Variants in SV2C observed in about 807,000 individuals in gnomAD.
SV2C encodes solute carrier family 22 member B3.
Under a neutral mutation model 79.7 loss-of-function variants are expected in SV2C, and 49 were observed. The observed-to-expected ratio is 0.61, with a 90% CI of 0.49 to 0.78. SV2C has a LOEUF of 0.78. Among genes scored for constraint, SV2C ranks in the 30% least tolerant of loss-of-function variants. The pLI is 0.00. For missense variants in SV2C, 833 were observed against 912.9 expected (o/e 0.91, Z 1.13); for synonymous variants, 334 against 333.2 (o/e 1.00, Z -0.03).
the SV2C span, chr5:75,920,776 G>A: frequency 1.3e-6 from 1 of 779,800 alleles, no homozygotes; most frequent in South Asian, 1.4e-5. Context: ...GTCCCGTTGG[G>A]GTGCTTGATG....
intron 1 of SV2C, among the ~76,000 whole-genome samples, chr5:76,123,464 T>A: frequency 6.6e-6 from 1 of 152,152 alleles, no homozygotes; most frequent in Non-Finnish European, 1.5e-5. Context: ...TGAACATTGA[T>A]GCAAAAATCC....
chr5:76,195,098 G>A lies in SV2C; in HGVS notation c.760G>A (p.Gly254Arg), dbSNP rs1468777352. 1.9e-6 allele frequency: 3 copies of A among 1,612,708 alleles called. No homozygotes were observed. Among genetic ancestry groups the A allele is most frequent in the Admixed American group, 1.7e-5 (1 of 59,758 alleles). ...FLFCRLLSGF[G>R]IGGAIPTVFS... Reference sequence around the variant, plus strand: ...CTTCTGTCGCTTACTTTCTGGATTCGGGTAAGGTTTTCTCCTTCATATTTT... The same window carrying A: ...CTTCTGTCGCTTACTTTCTGGATTCAGGTAAGGTTTTCTCCTTCATATTTT... The change falls in exon 3 of 13, where the codon GGG becomes AGG. Residue 254 changes from glycine (G) to arginine (R), a missense_variant and splice_region_variant. By Grantham distance (125) the Gly-to-Arg change is moderately radical. Coordinates refer to ENST00000502798, the MANE Select transcript of SV2C (RefSeq NM_014979.4).
chr5:76,106,906 C>T (rs1210067112), intron 1 of SV2C, among the ~76,000 whole-genome samples: 1 of 152,162 alleles, frequency 6.6e-6, no homozygotes, highest in Non-Finnish European at 1.5e-5. Flanking sequence ...AGCAAGTAAA[C>T]TCCACAAGGC....
chr5:76,181,965 AC>A (rs551768731), intron 2 of SV2C, among the ~76,000 whole-genome samples: 24 of 152,202 alleles, frequency 1.6e-4, no homozygotes, highest in African/African-American at 5.1e-4. Flanking sequence ...CCCACCAGAC[AC>A]CTATCCTCCT....
intron 4 of SV2C, among the ~76,000 whole-genome samples, chr5:76,223,448 T>TAC (rs1745136501): frequency 4.4e-4 from 6 of 13,536 alleles, no homozygotes; most frequent in Non-Finnish European, 6.3e-4. Flanking sequence ...TACATACATA[T>TAC]ATATATATAT....
intron 1 of SV2C, among the ~76,000 whole-genome samples, chr5:76,092,754 AC>A (rs1747421786): frequency 6.6e-6 from 1 of 151,962 alleles, no homozygotes; most frequent in African/African-American, 2.4e-5. Flanking sequence ...TCTCCCTCCT[AC>A]CATCTCTTCT....
the SV2C span, among the ~76,000 whole-genome samples, chr5:76,053,514 G>A: frequency 6.6e-6 from 1 of 152,142 alleles, no homozygotes; most frequent in Non-Finnish European, 1.5e-5. Context: ...CAAAGACCAA[G>A]TGTGATATTT....
chr5:76,256,861 T>G (rs1305538596), intron 4 of SV2C, among the ~76,000 whole-genome samples: 3 of 152,244 alleles, frequency 2.0e-5, no homozygotes, highest in Non-Finnish European at 4.4e-5. Context: ...GCCAAAAAAC[T>G]TGTTAAACAG....
At chr5:76,316,865 C>A (rs1393739355) in intron 12 of SV2C, among the ~76,000 whole-genome samples, 1 of 152,080 alleles carries the variant, frequency 6.6e-6, no homozygotes, top group African/African-American at 2.4e-5. Context: ...ATGCTCCTGG[C>A]TGCATAATAC....
chr5:76,343,711 A>G (rs1749486221), intron 12 of SV2C, among the ~76,000 whole-genome samples: 1 of 152,252 alleles, frequency 6.6e-6, no homozygotes, highest in Non-Finnish European at 1.5e-5. Context: ...AGGTTTGCAT[A>G]TGTGCACCAA....
At chr5:76,013,226 TC>T in the SV2C span, among the ~76,000 whole-genome samples, 1 of 152,226 alleles carries the variant, frequency 6.6e-6, no homozygotes, top group Non-Finnish European at 1.5e-5. Context: ...TATTGATTCT[TC>T]CTATCCATAA....
chr5:76,242,923 A>G (rs1252281908), intron 4 of SV2C, among the ~76,000 whole-genome samples: 2 of 139,124 alleles, frequency 1.4e-5, no homozygotes, highest in East Asian at 4.9e-4. Context: ...CTGAGGCGGG[A>G]GGATCCCTTG....
the SV2C span, among the ~76,000 whole-genome samples, chr5:75,970,999 G>A: frequency 6.6e-6 from 1 of 152,106 alleles, no homozygotes; most frequent in African/African-American, 2.4e-5. Flanking sequence ...CTTCATCCCT[G>A]GGATGCAAGG....
At chr5:76,320,250 T>C (rs910592895) in intron 12 of SV2C, among the ~76,000 whole-genome samples, 21 of 151,578 alleles carry the variant, frequency 1.4e-4, no homozygotes, top group African/African-American at 4.8e-4. Flanking sequence ...GGCAGAACTA[T>C]GGAAACAGTA....
intron 2 of SV2C, chr5:76,174,198 A>G: frequency 6.8e-6 from 11 of 1,611,590 alleles, no homozygotes; most frequent in East Asian, 2.2e-5. Context: ...CAAGCTTGTC[A>G]AAACCTAGTA....
chr5:76,195,877 A>G (rs1012790134), intron 3 of SV2C, among the ~76,000 whole-genome samples: 1 of 152,180 alleles, frequency 6.6e-6, no homozygotes, highest in African/African-American at 2.4e-5. Flanking sequence ...GTTTACCTCT[A>G]TAACAAATCT....
chr5:75,858,670 G>C, the SV2C span, among the ~76,000 whole-genome samples: 2 of 152,152 alleles, frequency 1.3e-5, no homozygotes, highest in Non-Finnish European at 2.9e-5. Flanking sequence ...GGTTTGAGTA[G>C]AATTGGTATT....
the SV2C span, among the ~76,000 whole-genome samples, chr5:75,877,922 C>T: frequency 1.4e-5 from 2 of 146,056 alleles, no homozygotes; most frequent in East Asian, 2.0e-4. Flanking sequence ...CAAAACTTAT[C>T]GAATGCAGGG....
intron 4 of SV2C, among the ~76,000 whole-genome samples, chr5:76,239,886 G>C (rs1745729182): frequency 6.6e-6 from 1 of 152,158 alleles, no homozygotes; most frequent in Non-Finnish European, 1.5e-5. Context: ...CATCTTGGAG[G>C]CTAGCTGTCA....
Sources: gnomAD v4.1 joint callset for allele counts (sites outside exome capture counted in the v4.1 genomes callset) on GRCh38, gnomAD v4.1.1 for gene constraint, MANE v1.5 for transcripts, NCBI Gene and HGNC (gene_info 2026-07-23, HGNC 2026-07-21) for gene names.